The following ZNF385D variants were observed in gnomAD, a reference collection of about 807,000 sequenced individuals.
The protein encoded by ZNF385D is zinc finger protein 385D.
ZNF385D carries 15 observed loss-of-function variants against 35.8 expected under a neutral mutation model. The observed-to-expected ratio is 0.42, with a 90% CI of 0.28 to 0.64. ZNF385D has a LOEUF of 0.64. Ranked by LOEUF, ZNF385D falls within the 30% of genes least tolerant of loss-of-function variation. ZNF385D has a pLI of 0.23. For synonymous variants in ZNF385D, 212 were observed against 186.8 expected (o/e 1.13, Z -1.10); for missense variants, 474 against 494.6 (o/e 0.96, Z 0.39).
At chr3:21,972,677 G>A (rs1846164) in intron 3 of ZNF385D, among the ~76,000 whole-genome samples, 37,583 of 150,516 alleles carry the variant, frequency 0.25, 5,111 homozygotes, top group East Asian at 0.32. Flanking sequence ...AAGTTGATAA[G>A]CTTTAACTAG....
chr3:21,929,787 C>T lies in ZNF385D; in HGVS notation c.325+239030G>A, dbSNP rs188236997. On this transcript the variant is annotated intron_variant, in intron 3 of 5. Transcript: ENST00000494108. ...TTTGTACTGAAAACTACAAATAATA[C>T]TGTAAGAAATTAAAGATCTAAATAA... is the stretch of plus-strand genomic sequence containing the variant. 2.0e-4 allele frequency among the ~76,000 whole-genome samples: 31 copies of T among 152,038 alleles called. No homozygotes were observed. In the East Asian group the frequency reaches 4.2e-3, roughly 21 times the overall value.
At chr3:21,825,573 A>C (rs1277979585) in intron 3 of ZNF385D, among the ~76,000 whole-genome samples, 2 of 152,248 alleles carry the variant, frequency 1.3e-5, no homozygotes, top group African/African-American at 4.8e-5. Flanking sequence ...TTCACTCTGC[A>C]TTCTTCATTT....
intron 3 of ZNF385D, among the ~76,000 whole-genome samples, chr3:21,830,090 T>A (rs1694892366): frequency 6.6e-6 from 1 of 151,846 alleles, no homozygotes; most frequent in African/African-American, 2.4e-5. Flanking sequence ...CACTACTGCA[T>A]TCCAGCCTGG....
intron 2 of ZNF385D, among the ~76,000 whole-genome samples, chr3:22,274,486 G>C (rs1364513290): frequency 6.6e-6 from 1 of 151,896 alleles, no homozygotes; most frequent in Admixed American, 6.6e-5. Context: ...AGGAAGCATG[G>C]ATAATTCGAC....
At chr3:21,978,735 T>C (rs1176809625) in intron 3 of ZNF385D, among the ~76,000 whole-genome samples, 1 of 152,122 alleles carries the variant, frequency 6.6e-6, no homozygotes. Context: ...TTAAGCAAAT[T>C]GGCAAATTAA....
chr3:21,829,608 T>C (rs1024757062), intron 3 of ZNF385D, among the ~76,000 whole-genome samples: 1 of 148,366 alleles, frequency 6.7e-6, no homozygotes, highest in African/African-American at 2.4e-5. Context: ...AAGATGACTT[T>C]TCTTGTTAAA....
intron 2 of ZNF385D, among the ~76,000 whole-genome samples, chr3:22,283,817 T>C (rs1396658567): frequency 6.6e-6 from 1 of 152,172 alleles, no homozygotes; most frequent in Non-Finnish European, 1.5e-5. Context: ...TATGGGAAGG[T>C]ACAATTTTCC....
rs368123236 is a variant in ZNF385D, at chr3:22,284,808, A to T, written c.106+87642T>A. On this transcript the variant is annotated intron_variant, in intron 2 of 5. Coordinates refer to the ZNF385D transcript ENST00000494108. ...ATTTAAGAATGTCAGGAGATAGGAG[A>T]AATGTATAAATTTGGTATACCTAAA... is the stretch of plus-strand genomic sequence containing the variant. Among the ~76,000 whole-genome samples the T allele has an allele frequency of 2.6e-5, 4 of 152,250 alleles. No individual in the cohort carries two copies. The East Asian group carries it at 7.7e-4, about 29-fold the overall frequency.
chr3:21,747,201 G>A (rs763017455), intron 1 of ZNF385D, among the ~76,000 whole-genome samples: 2 of 152,194 alleles, frequency 1.3e-5, no homozygotes, highest in Non-Finnish European at 2.9e-5. Context: ...GAACTTGAAT[G>A]ATTCATTCAC....
At chr3:21,562,740 A>G (rs2062996144) in intron 3 of ZNF385D, among the ~76,000 whole-genome samples, 1 of 152,180 alleles carries the variant, frequency 6.6e-6, no homozygotes, top group African/African-American at 2.4e-5. Flanking sequence ...AATAATAATT[A>G]TAAAACTATA....
In ZNF385D at chr3:22,228,161, G is replaced by A. The variant is rs537256369; in HGVS notation, c.107-59126C>T. Among the ~76,000 whole-genome samples, 5 of 152,298 alleles carry A rather than the reference G, an allele frequency of 3.3e-5. No individual in the cohort carries two copies. In the South Asian group the frequency reaches 6.2e-4, roughly 19 times the overall value. On this transcript the variant is annotated intron_variant, in intron 2 of 5. Coordinates refer to the ZNF385D transcript ENST00000494108. The stretch of plus-strand genomic sequence containing the variant: ...CAGAGGAGATGGCAATTGGTGAGAC[G>A]ATGAGCAGAGATGGTGAGAGACAAC...
chr3:22,251,545 C>A (rs1423326596), intron 2 of ZNF385D, among the ~76,000 whole-genome samples: 3 of 152,076 alleles, frequency 2.0e-5, no homozygotes, highest in Non-Finnish European at 4.4e-5. Context: ...TCAGCTTCAG[C>A]ACTATTGACA....
At chr3:21,835,985 A>G (rs769586949) in intron 3 of ZNF385D, among the ~76,000 whole-genome samples, 23 of 151,984 alleles carry the variant, frequency 1.5e-4, no homozygotes, top group African/African-American at 4.8e-4. Context: ...TGAATAGTCT[A>G]TAGATGTCTG....
At chr3:21,601,130 CAATT>C (rs1228374318) in intron 2 of ZNF385D, among the ~76,000 whole-genome samples, 1 of 152,126 alleles carries the variant, frequency 6.6e-6, no homozygotes, top group Middle Eastern at 3.4e-3. Context: ...ACTTTAATAA[CAATT>C]AAAAATTATT....
intron 3 of ZNF385D, among the ~76,000 whole-genome samples, chr3:21,545,801 G>A (rs905039953): frequency 6.6e-6 from 1 of 152,126 alleles, no homozygotes; most frequent in Admixed American, 6.5e-5. Context: ...CTTGTGTTCA[G>A]TAAAGAGTGT....
chr3:22,308,824 G>A (rs989797231), intron 2 of ZNF385D, among the ~76,000 whole-genome samples: 15 of 152,024 alleles, frequency 9.9e-5, no homozygotes, highest in African/African-American at 2.4e-4. Context: ...GATCTGCTCC[G>A]TTTTTCATGT....
At chr3:21,799,371 A>G (rs1259994420) in intron 3 of ZNF385D, among the ~76,000 whole-genome samples, 1 of 152,154 alleles carries the variant, frequency 6.6e-6, no homozygotes, top group Non-Finnish European at 1.5e-5. Flanking sequence ...GCACCATTTT[A>G]TATTCCCACC....
chr3:21,710,579 C>T (rs1338614465), intron 1 of ZNF385D, among the ~76,000 whole-genome samples: 2 of 152,156 alleles, frequency 1.3e-5, no homozygotes, highest in South Asian at 2.1e-4. Context: ...TAGTATGTTA[C>T]AGTCCTCGCA....
chr3:21,773,287 C>T (rs956524815), intron 3 of ZNF385D, among the ~76,000 whole-genome samples: 1 of 151,734 alleles, frequency 6.6e-6, no homozygotes, highest in Non-Finnish European at 1.5e-5. Context: ...TGCTTTTATA[C>T]CTGGAAAGTT....
Sources: allele counts gnomAD v4.1 joint callset (sites outside exome capture counted in the v4.1 genomes callset), GRCh38; gene constraint gnomAD v4.1.1; transcripts MANE v1.5; gene names NCBI Gene and HGNC (gene_info 2026-07-23, HGNC 2026-07-21).